The following ZNF606 variants were observed in gnomAD, a reference collection of about 807,000 sequenced individuals.
ZNF606 encodes zinc finger protein 606.
ZNF606 carries 37 observed loss-of-function variants against 74.9 expected under a neutral mutation model. The ratio of observed to expected loss-of-function variants is 0.49; its 90% CI spans 0.38 to 0.65. ZNF606 has a LOEUF of 0.65. ZNF606 is among the 30% of genes least tolerant of loss of function. The pLI is 0.00. For missense variants in ZNF606, 852 were observed against 952.9 expected (o/e 0.89, Z 1.39); for synonymous variants, 328 against 312.4 (o/e 1.05, Z -0.53).
intron 4 of ZNF606, among the ~76,000 whole-genome samples, chr19:57,996,035 T>A (rs1054509041): frequency 1.3e-4 from 20 of 152,192 alleles, no homozygotes; most frequent in African/African-American, 4.3e-4. Flanking sequence ...TCTGTAATTA[T>A]GAAATGTGCC....
At chr19:57,989,579 T>G (rs1188819928) in intron 4 of ZNF606, among the ~76,000 whole-genome samples, 1 of 151,944 alleles carries the variant, frequency 6.6e-6, no homozygotes, top group African/African-American at 2.4e-5. Flanking sequence ...CCCGAGTAGC[T>G]GGGACAATAG....
chr19:58,001,482 C>T (rs778242744), intron 1 of ZNF606, 112 bp from the exon 2 acceptor site: 34 of 755,224 alleles, frequency 4.5e-5, no homozygotes, highest in East Asian at 1.9e-4. Context: ...TAAGGAGCAT[C>T]GTAAGAAAAG....
In ZNF606 at chr19:57,978,305, T is replaced by C; in HGVS notation, c.2375A>G (p.Asn792Ser). Residue 792 changes from asparagine (N) to serine (S), a missense_variant, in exon 7 of 7, where the codon AAT becomes AGT. Asn to Ser is a conservative substitution (Grantham distance 46). This residue lies in a region of ZNF606 where 64 missense variants were observed against 51.1 expected (regional missense o/e 1.25). Coordinates refer to ENST00000551380, the MANE Select transcript of ZNF606 (RefSeq NM_001348022.3). This position sits in a 1 kb window ranked among gnomAD's most constrained non-coding sequence, Gnocchi z 4.4. ...AAACGAAAAACTCGCATAAATTCAA[T>C]TCAGTTTCTCTTCACTGTGATTTCT... ...HQRNHSEEKL[N>S] is the part of the protein sequence containing the mutation. 6.4e-7 allele frequency: 1 copy of C among 1,556,958 alleles called. No individual in the cohort carries two copies. The highest frequency in any genetic ancestry group is 8.7e-7 in the Non-Finnish European group (1 of 1,151,686).
At chr19:57,985,816 C>T (rs2073155215) in intron 6 of ZNF606, among the ~76,000 whole-genome samples, 1 of 151,904 alleles carries the variant, frequency 6.6e-6, no homozygotes, top group Non-Finnish European at 1.5e-5. Flanking sequence ...CCCCTGTAAT[C>T]CTAGCTACAC....
chr19:57,990,979 C>G (rs1057491236), intron 4 of ZNF606, among the ~76,000 whole-genome samples: 2 of 152,108 alleles, frequency 1.3e-5, no homozygotes, highest in Admixed American at 1.3e-4. Context: ...CTCACAACCT[C>G]GAAGACACAG....
chr19:57,980,524 G>A (rs1254740426), intron 6 of ZNF606, among the ~76,000 whole-genome samples: 1 of 152,186 alleles, frequency 6.6e-6, no homozygotes, highest in Admixed American at 6.5e-5. Flanking sequence ...TCCATGAAAA[G>A]GAAGACCAGT....
intron 4 of ZNF606, among the ~76,000 whole-genome samples, chr19:57,993,247 T>C (rs2123320310): frequency 6.6e-6 from 1 of 152,334 alleles, no homozygotes; most frequent in South Asian, 2.1e-4. Context: ...TGTGGTAGTC[T>C]ATTACAATAG....
intron 4 of ZNF606, 69 bp from the exon 5 acceptor site, chr19:57,988,790 G>A: frequency 1.2e-6 from 2 of 1,607,184 alleles, no homozygotes; most frequent in Non-Finnish European, 1.7e-6. Context: ...GATGGAGTGA[G>A]GCTGACAGCC....
At chr19:57,986,241 C>G (rs2073161918) in intron 6 of ZNF606, among the ~76,000 whole-genome samples, 1 of 152,004 alleles carries the variant, frequency 6.6e-6, no homozygotes, top group African/African-American at 2.4e-5. Flanking sequence ...AATCCCAGCA[C>G]TTTGAGAGGC....
intron 6 of ZNF606, among the ~76,000 whole-genome samples, chr19:57,983,837 A>C (rs1019103798): frequency 3.3e-5 from 5 of 151,120 alleles, no homozygotes; most frequent in African/African-American, 1.2e-4. Context: ...GCTGAATAAA[A>C]CTCCAGGAGC....
At chr19:57,994,342 G>C (rs1192369095) in intron 4 of ZNF606, among the ~76,000 whole-genome samples, 1 of 151,874 alleles carries the variant, frequency 6.6e-6, no homozygotes, top group Non-Finnish European at 1.5e-5. Context: ...GCAGCTAACA[G>C]AAGAGCCCAG....
chr19:57,993,688 C>T (rs559825033), intron 4 of ZNF606, among the ~76,000 whole-genome samples: 4 of 152,296 alleles, frequency 2.6e-5, no homozygotes, highest in East Asian at 1.9e-4. Context: ...GACTTGAGAC[C>T]GCGGCTAGGT....
Position 57,979,090 on chromosome 19 carries a change from A to G in ZNF606, c.1590T>C (p.His530=), listed in dbSNP as rs1289804761. ...SFSWSSHLIA[H]MRMHTGEKPF... is the part of the protein sequence containing the mutation. ...GTTTCTCTCCAGTATGCATTCTCAT[A>G]TGGGCAATAAGATGGGAGCTCCAGC... Residue 530 remains histidine (H), a synonymous_variant, in exon 7 of 7, where the codon CAT becomes CAC. Coordinates refer to ENST00000551380, the MANE Select transcript of ZNF606 (RefSeq NM_001348022.3). 2 of 1,614,152 alleles carry G rather than the reference A, an allele frequency of 1.2e-6. No homozygotes were observed. Among genetic ancestry groups the G allele is most frequent in the South Asian group, 2.2e-5 (2 of 91,072 alleles).
At position 57,979,337 on chromosome 19, in the gene ZNF606, C is replaced by T. The variant is rs138065835; in HGVS notation, c.1343G>A (p.Arg448Gln). 2.1e-5 allele frequency: 34 copies of T among 1,613,138 alleles called. No individual in the cohort carries two copies. Among genetic ancestry groups the T allele is most frequent in the South Asian group, 3.3e-5 (3 of 90,936 alleles). ...RNRSALTKHERTHTGIKPYEC... is the reference protein window; with the variant it reads ...RNRSALTKHEQTHTGIKPYEC... ...ATAGGGTTTTATTCCAGTGTGAGTC[C>T]GTTCATGTTTCGTAAGGGCTGAGCG... is the stretch of plus-strand genomic sequence containing the variant. The change falls in exon 7 of 7, where the codon CGG becomes CAG. Residue 448 changes from arginine (R) to glutamine (Q), a missense_variant. By Grantham distance (43) the Arg-to-Gln change is conservative (BLOSUM62 1). Around this residue, in one of 3 missense-constraint regions of ZNF606, gnomAD observed 545 missense variants for 542.5 expected, o/e 1.00. Coordinates refer to ENST00000551380, the MANE Select transcript of ZNF606 (RefSeq NM_001348022.3).
intron 1 of ZNF606, 197 bp downstream of exon 1, chr19:58,002,199 A>C: frequency 2.2e-6 from 1 of 456,820 alleles, no homozygotes; most frequent in Non-Finnish European, 4.4e-6. Flanking sequence ...GCTGTTTCCA[A>C]CCCAGGTCTG....
rs373899403 is a variant in ZNF606, at chr19:57,978,366, C to T, written c.2314G>A (p.Ala772Thr). ...AGTAGGGCTGAGTGACCACTAAAGG[C>T]TTTTCCACATTCACTGCATATAAAG... is the stretch of plus-strand genomic sequence containing the variant. Reference protein sequence around the residue: ...KRFICSECGKAFSGHSALLQH... With the variant: ...KRFICSECGKTFSGHSALLQH... Residue 772 changes from alanine (A) to threonine (T), a missense_variant, in exon 7 of 7, where the codon GCC becomes ACC. Ala to Thr is a moderately conservative substitution (Grantham distance 58). Transcript: ENST00000551380. This position sits in a 1 kb window ranked among gnomAD's most constrained non-coding sequence, Gnocchi z 4.4. 8 of 1,608,572 alleles carry T rather than the reference C, an allele frequency of 5.0e-6. No individual in the cohort carries two copies. The African/African-American group carries it at 6.7e-5, about 13-fold the overall frequency.
In ZNF606 at chr19:57,988,655, C is replaced by T. The variant is rs767759268; in HGVS notation, c.244G>A (p.Val82Ile). 4.3e-6 allele frequency: 7 copies of T among 1,614,058 alleles called. No homozygotes were observed. Among genetic ancestry groups the T allele is most frequent in the Non-Finnish European group, 5.1e-6 (6 of 1,180,040 alleles). ...TQEEWGQLDL[V>I]QRTLYRDVML... ...ACATCACGGTACAGGGTCCTCTGAACAAGGTCCAGCTGCCCCCACTCTTCT... is the reference window on the plus strand; with the variant it reads ...ACATCACGGTACAGGGTCCTCTGAATAAGGTCCAGCTGCCCCCACTCTTCT... The change falls in exon 5 of 7, where the codon GTT becomes ATT. Residue 82 changes from valine (V) to isoleucine (I), a missense_variant. Around this residue, in one of 3 missense-constraint regions of ZNF606, gnomAD observed 545 missense variants for 542.5 expected, o/e 1.00. Transcript: ENST00000551380.
At chr19:57,980,402 C>T (rs2123266591) in intron 6 of ZNF606, 123 bp from the exon 7 acceptor site, 1 of 953,650 alleles carries the variant, frequency 1.0e-6, no homozygotes, top group East Asian at 2.5e-5. Context: ...CAAGTCCAGG[C>T]TTAGAACTCA....
At position 57,978,953 on chromosome 19, in the gene ZNF606, G is replaced by C. The variant is rs779151250; in HGVS notation, c.1727C>G (p.Ser576Cys). Residue 576 changes from serine to cysteine, a missense_variant, in exon 7 of 7, where the codon TCC becomes TGC. By Grantham distance (112) the Ser-to-Cys change is moderately radical. This residue lies in a region of ZNF606 where 243 missense variants were observed against 359.2 expected (regional missense o/e 0.68). Coordinates refer to ENST00000551380, the MANE Select transcript of ZNF606 (RefSeq NM_001348022.3). This position sits in a 1 kb window ranked among gnomAD's most constrained non-coding sequence, Gnocchi z 4.4. ...AATAAGATGGGAGCTCCAGCTGAAG[G>C]ATTTTCCACATTCAGTACATTTATA... Reference protein sequence around the residue: ...KPYKCTECGKSFSWSSHLIAH... With the variant: ...KPYKCTECGKCFSWSSHLIAH... 1.2e-6 allele frequency: 2 copies of C among 1,614,166 alleles called. No homozygotes were observed. The highest frequency in any genetic ancestry group is 8.5e-7 in the Non-Finnish European group (1 of 1,180,028).
Sources: allele counts gnomAD v4.1 joint callset (sites outside exome capture counted in the v4.1 genomes callset), GRCh38; gene constraint gnomAD v4.1.1; regional missense constraint gnomAD v4.1.1; non-coding constraint Gnocchi (gnomAD v3.1); transcripts MANE v1.5; gene names NCBI Gene and HGNC (gene_info 2026-07-23, HGNC 2026-07-21).